The following LAMA5 variants were observed in gnomAD, a reference collection of about 807,000 sequenced individuals.
The protein encoded by LAMA5 is laminin subunit alpha-5.
A neutral mutation model predicts 433.4 loss-of-function variants in LAMA5; 260 were observed. The ratio of observed to expected loss-of-function variants is 0.60; its 90% CI spans 0.54 to 0.66. The LOEUF is 0.66. Among genes scored for constraint, LAMA5 ranks in the 30% least tolerant of loss-of-function variants. The probability of loss-of-function intolerance (pLI) is 0.00; values close to 1 mark genes in which losing one functional copy is unlikely to be tolerated. For synonymous variants in LAMA5, 2,620 were observed against 2,226.6 expected (o/e 1.18, Z -4.97); for missense variants, 5,378 against 5,258.5 (o/e 1.02, Z -0.70).
At chr20:62,310,132 T>C (rs1568886583) in intron 77 of LAMA5, 46 bp downstream of exon 77, 4 of 1,611,520 alleles carry the variant, frequency 2.5e-6, no homozygotes, top group Non-Finnish European at 3.4e-6. Flanking sequence ...GTCACCAGAA[T>C]GGGGAGGCAA....
chr20:62,315,891 CTG>C, intron 58 of LAMA5, 55 bp downstream of exon 58: 1 of 1,342,636 alleles, frequency 7.4e-7, no homozygotes, highest in East Asian at 2.5e-5. Flanking sequence ...GCCAGCGCCA[CTG>C]TCACAGAGCC....
In LAMA5 at chr20:62,315,134, CT is replaced by C. The variant is rs1175768057; in HGVS notation, c.7940del (p.Gln2647ArgfsTer51). 1.2e-6 allele frequency: 2 copies of C among 1,610,118 alleles called. No individual in the cohort carries two copies. On this transcript the variant is annotated frameshift_variant, in exon 59 of 80. Transcript: ENST00000252999. LOFTEE classifies it high-confidence loss of function. Reference sequence around the variant, plus strand: ...TCTCCTGCATGGCCTGCAGCTGGGACTGCACACGGGTGGCGGTGTCCTGGGC... The same window carrying C: ...TCTCCTGCATGGCCTGCAGCTGGGACGCACACGGGTGGCGGTGTCCTGGGC... ...AEAQDTATRVQSQLQAMQENV... is the reference protein window; with the variant it reads ...AEAQDTATRVXSQLQAMQENV...
chr20:62,357,339 G>A (rs557436371), intron 2 of LAMA5, among the ~76,000 whole-genome samples: 6 of 152,308 alleles, frequency 3.9e-5, no homozygotes, highest in Non-Finnish European at 5.9e-5. Flanking sequence ...AGCCCCAGGC[G>A]TCCGGGCCAG....
rs141276418 is a variant in LAMA5, at chr20:62,330,497, C to T, written c.3970G>A (p.Val1324Met). Residue 1324 changes from valine to methionine, a missense_variant, in exon 31 of 80, where the codon GTG (valine) becomes ATG (methionine). By Grantham distance (21) the Val-to-Met change is conservative (BLOSUM62 1). Coordinates refer to ENST00000252999, the MANE Select transcript of LAMA5 (RefSeq NM_005560.6). The part of the protein sequence containing the change: ...PVEVLINAGR[V>M]WQGHANASFC... ...CACACCAGACACTCACCCTGCCACA[C>T]GCGGCCGGCGTTGATGAGGACTTCC... 21 of 1,552,918 alleles carry T rather than the reference C, an allele frequency of 1.4e-5. No homozygotes were observed. In the African/African-American group the frequency reaches 1.5e-4, roughly 11 times the overall value.
rs900878996 is a variant in LAMA5, at chr20:62,313,581, TC to T, written c.8658+67del. On this transcript the variant is annotated intron_variant, in intron 63 of 79. Transcript: ENST00000252999. Reference sequence around the variant, plus strand: ...GCAAGATACCAAAAGAACCCGCGGCTCTCCAGGACACAAGCGACTCGGGGCT... The same window carrying T: ...GCAAGATACCAAAAGAACCCGCGGCTTCCAGGACACAAGCGACTCGGGGCT... 5.0e-5 allele frequency: 78 copies of T among 1,560,652 alleles called. No homozygotes were observed. In the Admixed American group the frequency reaches 1.4e-3, roughly 27 times the overall value.
intron 27 of LAMA5, 29 bp from the exon 28 acceptor site, chr20:62,332,509 GGC>G: frequency 6.2e-7 from 1 of 1,609,842 alleles, no homozygotes; most frequent in Non-Finnish European, 8.5e-7. Flanking sequence ...CAGCAGGTGG[GGC>G]AGCCCCGGGC....
intron 21 of LAMA5, 74 bp downstream of exon 21, chr20:62,334,448 G>C: frequency 6.6e-7 from 1 of 1,514,230 alleles, no homozygotes; most frequent in Non-Finnish European, 8.9e-7. Flanking sequence ...GGCCCATGGT[G>C]AGGGACACGG....
At chr20:62,315,767 G>A (rs1198449597) in intron 58 of LAMA5, among the ~76,000 whole-genome samples, 181 bp downstream of exon 58, 1 of 152,226 alleles carries the variant, frequency 6.6e-6, no homozygotes, top group Non-Finnish European at 1.5e-5. Context: ...GGCTGGGGCT[G>A]TCTGTGCTAT....
chr20:62,341,851 GAAGA>G (rs1982649147), intron 11 of LAMA5, among the ~76,000 whole-genome samples: 1 of 137,416 alleles, frequency 7.3e-6, no homozygotes, highest in Non-Finnish European at 1.5e-5. Flanking sequence ...AAAAAAAGAA[GAAGA>G]AAGAAAATAA....
In LAMA5 at chr20:62,317,685, G is replaced by A. The variant is rs200433384; in HGVS notation, c.7333C>T (p.His2445Tyr). 44 of 1,597,224 alleles carry A rather than the reference G, an allele frequency of 2.8e-5. No individual in the cohort carries two copies. The highest frequency in any genetic ancestry group is 3.4e-5 in the South Asian group (3 of 88,894). The change falls in exon 54 of 80, where the codon CAC (histidine) becomes TAC (tyrosine). Residue 2445 changes from histidine (H) to tyrosine (Y), a missense_variant. Transcript: ENST00000252999. ...DTLASVFRLL[H>Y]SLDQAKEELE... ...ACCTCCTTAGCCTGGTCCAGGCTGTGCAGCAATCTGAAGACGCTGGCCAGG... is the reference window on the plus strand; with the variant it reads ...ACCTCCTTAGCCTGGTCCAGGCTGTACAGCAATCTGAAGACGCTGGCCAGG...
chr20:62,343,025 C>G (rs1205689980), intron 11 of LAMA5, among the ~76,000 whole-genome samples: 1 of 152,194 alleles, frequency 6.6e-6, no homozygotes, highest in African/African-American at 2.4e-5. Flanking sequence ...TGTCAGTTTA[C>G]ACCAGGGATT....
chr20:62,352,935 C>T (rs1984580729), intron 3 of LAMA5, 199 bp downstream of exon 3: 2 of 523,454 alleles, frequency 3.8e-6, no homozygotes. Context: ...AGCCCCTGGA[C>T]TTGGCTGTGC....
intron 32 of LAMA5, 26 bp downstream of exon 32, chr20:62,329,749 CCT>C: frequency 6.2e-7 from 1 of 1,610,980 alleles, no homozygotes; most frequent in Non-Finnish European, 8.5e-7. Flanking sequence ...ACAGCTGGTC[CCT>C]GAGCAGGACA....
Position 62,329,039 on chromosome 20 carries a change from G to A in LAMA5, c.4252C>T (p.Leu1418=). 6.2e-7 allele frequency: 1 copy of A among 1,612,750 alleles called. No homozygotes were observed. Among genetic ancestry groups the A allele is most frequent in the East Asian group, 2.2e-5 (1 of 44,874 alleles). The change falls in exon 34 of 80, where the codon CTG becomes TTG. Residue 1418 remains leucine (L), a synonymous_variant. Transcript: ENST00000252999. ...GYHISPSSSS[L]FCRNAAASLS... ...GAAGCAGCAGCGTTTCGGCAGAACA[G>A]GGATGAGCTGCTGGGGCTACATGGA...
At position 62,329,919 on chromosome 20, in the gene LAMA5, G is replaced by C. The variant is rs747660115; in HGVS notation, c.3980-3C>G. 1 of 1,610,588 alleles carries C rather than the reference G, an allele frequency of 6.2e-7. No individual in the cohort carries two copies. Among genetic ancestry groups the C allele is most frequent in the Admixed American group, 1.7e-5 (1 of 59,940 alleles). ...ACAGAAGCTGGCGTTGGCGTGGCCT[G>C]GGCGGGGGAGAAAGGCAGGGTCAGG... is the stretch of plus-strand genomic sequence containing the variant. On this transcript the variant is annotated splice_polypyrimidine_tract_variant and splice_region_variant and intron_variant, in intron 31 of 79. Coordinates refer to ENST00000252999, the MANE Select transcript of LAMA5 (RefSeq NM_005560.6).
intron 34 of LAMA5, 47 bp from the exon 35 acceptor site, chr20:62,328,492 C>T (rs1414275048): frequency 1.4e-6 from 2 of 1,445,012 alleles, no homozygotes; most frequent in Non-Finnish European, 1.8e-6. Flanking sequence ...CCAGTCCCGC[C>T]CCTCTCAGAG....
intron 1 of LAMA5, among the ~76,000 whole-genome samples, chr20:62,363,248 G>A (rs1986356955): frequency 6.6e-6 from 1 of 152,206 alleles, no homozygotes; most frequent in South Asian, 2.1e-4. Flanking sequence ...TGGACGTGTG[G>A]ACAGCGGCAG....
intron 32 of LAMA5, 25 bp downstream of exon 32, chr20:62,329,752 G>A (rs746373268): frequency 1.9e-6 from 3 of 1,611,286 alleles, no homozygotes; most frequent in Non-Finnish European, 1.7e-6. Context: ...GCTGGTCCCT[G>A]AGCAGGACAT....
At position 62,324,740 on chromosome 20, in the gene LAMA5, G is replaced by A. The variant is rs1264743227; in HGVS notation, c.5530-186C>T. ...GCCTCGGCCGGCTGGAGGTGGGCCA[G>A]CACCTGGCTGCTGTTTGAGGACATA... is the stretch of plus-strand genomic sequence containing the variant. On this transcript the variant is annotated intron_variant, in intron 41 of 79. Coordinates refer to ENST00000252999, the MANE Select transcript of LAMA5 (RefSeq NM_005560.6). This position sits in a 1 kb window ranked among gnomAD's most constrained non-coding sequence, Gnocchi z 4.4. 6.8e-6 allele frequency: 4 copies of A among 586,764 alleles called. No individual in the cohort carries two copies. Among genetic ancestry groups the A allele is most frequent in the Non-Finnish European group, 1.2e-5 (4 of 325,410 alleles). The allele number at this position is 586,764 out of a possible 1,614,324, so 36.3% of individuals were successfully genotyped here. A position where few individuals can be genotyped will look rare whatever the true frequency, so the allele number is the denominator to read the frequency against.
Sources: allele counts gnomAD v4.1 joint callset (sites outside exome capture counted in the v4.1 genomes callset), GRCh38; gene constraint gnomAD v4.1.1; non-coding constraint Gnocchi (gnomAD v3.1); transcripts MANE v1.5; gene names NCBI Gene and HGNC (gene_info 2026-07-23, HGNC 2026-07-21).